Variants in PRIM2 observed in about 807,000 individuals in gnomAD.
The protein encoded by PRIM2 is DNA primase large subunit.
PRIM2 carries 39 observed loss-of-function variants against 67.3 expected under a neutral mutation model. The observed-to-expected ratio is 0.58, with a 90% confidence interval of 0.45 to 0.76. PRIM2 has a LOEUF of 0.76. Ranked by LOEUF, PRIM2 falls within the 30% of genes least tolerant of loss-of-function variation. The pLI, the probability that PRIM2 is intolerant of heterozygous loss-of-function variation, is 0.00. For synonymous variants in PRIM2, 143 were observed against 198.7 expected, an observed-to-expected ratio of 0.72 and a Z score of 2.36; for missense variants, 398 against 598.7, an observed-to-expected ratio of 0.66 and a Z score of 3.50.
intron 7 of PRIM2, among the ~76,000 whole-genome samples, chr6:57,472,424 A>G (rs1452797879): frequency 6.6e-6 from 1 of 151,620 alleles, no homozygotes; most frequent in Non-Finnish European, 1.5e-5. Flanking sequence ...AAAAGAAACT[A>G]TGCAGTTTGT....
At chr6:57,364,362 T>G (rs979673905) in intron 5 of PRIM2, among the ~76,000 whole-genome samples, 5 of 152,208 alleles carry the variant, frequency 3.3e-5, no homozygotes, top group Non-Finnish European at 7.3e-5. Flanking sequence ...TGAGAGGTAC[T>G]GTGTTTGCTT....
chr6:57,221,960 C>A, the PRIM2 span: 260 of 152,644 alleles, frequency 1.7e-3, 2 homozygotes, highest in Non-Finnish European at 2.7e-3. Flanking sequence ...GGACGAACCC[C>A]CAGCCCCTGG....
At chr6:57,542,791 G>C (rs1775189965) in intron 10 of PRIM2, among the ~76,000 whole-genome samples, 1 of 151,430 alleles carries the variant, frequency 6.6e-6, no homozygotes, top group Admixed American at 6.6e-5. Context: ...TCGTTTACAT[G>C]TTTTTTCAAT....
the PRIM2 span, among the ~76,000 whole-genome samples, chr6:57,240,021 T>C: frequency 6.6e-6 from 1 of 150,758 alleles, no homozygotes; most frequent in African/African-American, 2.4e-5. Context: ...AACATAATTA[T>C]AAGTACTCCA....
At chr6:57,479,900 C>T (rs1307179471) in intron 7 of PRIM2, among the ~76,000 whole-genome samples, 26 of 152,202 alleles carry the variant, frequency 1.7e-4, no homozygotes, top group African/African-American at 5.8e-4. Context: ...ACTATGGTAT[C>T]AGGCAGAATA....
chr6:57,586,754 G>A (rs1175944796), intron 10 of PRIM2, among the ~76,000 whole-genome samples: 2 of 152,168 alleles, frequency 1.3e-5, no homozygotes, highest in Non-Finnish European at 2.9e-5. Context: ...TCCAGCCCAG[G>A]CTTGCCAAAG....
At chr6:57,433,017 C>G (rs749316751) in intron 7 of PRIM2, among the ~76,000 whole-genome samples, 7 of 152,194 alleles carry the variant, frequency 4.6e-5, no homozygotes, top group Non-Finnish European at 1.0e-4. Context: ...TAAAGCCATT[C>G]AAGCCAAATA....
intron 7 of PRIM2, among the ~76,000 whole-genome samples, chr6:57,426,320 T>G (rs1406745409): frequency 2.0e-5 from 3 of 152,254 alleles, no homozygotes; most frequent in Non-Finnish European, 4.4e-5. Flanking sequence ...TAGAGTTTTA[T>G]GTAAGTAGAC....
At chr6:57,336,325 C>A (rs1047048404) in intron 5 of PRIM2, among the ~76,000 whole-genome samples, 1 of 151,488 alleles carries the variant, frequency 6.6e-6, no homozygotes, top group Non-Finnish European at 1.5e-5. Flanking sequence ...TCTAGCAAGG[C>A]AGGCCAACAT....
At chr6:57,568,781 T>G (rs1436874743) in intron 10 of PRIM2, among the ~76,000 whole-genome samples, 1 of 152,210 alleles carries the variant, frequency 6.6e-6, no homozygotes, top group African/African-American at 2.4e-5. Flanking sequence ...TACAAATACA[T>G]GCGTTTTCAA....
the PRIM2 span, among the ~76,000 whole-genome samples, chr6:57,304,985 C>T: frequency 1.3e-5 from 2 of 152,178 alleles, no homozygotes; most frequent in South Asian, 2.1e-4. Flanking sequence ...TCCCTTTCCT[C>T]TCTGTACTCA....
chr6:57,285,186 T>C, the PRIM2 span, among the ~76,000 whole-genome samples: 1 of 152,238 alleles, frequency 6.6e-6, no homozygotes, highest in Non-Finnish European at 1.5e-5. Flanking sequence ...AGCTGAATTC[T>C]ACCAGAGATA....
At chr6:57,386,279 G>A (rs934123009) in intron 7 of PRIM2, among the ~76,000 whole-genome samples, 6 of 151,852 alleles carry the variant, frequency 4.0e-5, no homozygotes, top group South Asian at 2.1e-4. Flanking sequence ...ATAGCCAGTC[G>A]TGGTGGCATG....
At chr6:57,254,553 A>G in the PRIM2 span, among the ~76,000 whole-genome samples, 1 of 152,206 alleles carries the variant, frequency 6.6e-6, no homozygotes, top group African/African-American at 2.4e-5. Context: ...GCCCTTATAC[A>G]AAGGCTGGAA....
At chr6:57,249,046 G>A in the PRIM2 span, among the ~76,000 whole-genome samples, 4 of 152,118 alleles carry the variant, frequency 2.6e-5, no homozygotes, top group African/African-American at 9.7e-5. Flanking sequence ...AATATACTGG[G>A]GAAACAGATT....
chr6:57,635,961 T>G (rs1426526836), intron 13 of PRIM2, among the ~76,000 whole-genome samples: 18 of 152,292 alleles, frequency 1.2e-4, no homozygotes, highest in East Asian at 1.9e-4. Flanking sequence ...AATCTAAAAT[T>G]TATAATGTAT....
intron 3 of PRIM2, among the ~76,000 whole-genome samples, chr6:57,322,890 G>A (rs759983432): frequency 3.3e-5 from 5 of 152,192 alleles, no homozygotes; most frequent in African/African-American, 1.2e-4. Context: ...AGGTGCTATA[G>A]TAGGGGTCTT....
At chr6:57,366,279 T>C (rs539014691) in intron 5 of PRIM2, among the ~76,000 whole-genome samples, 1 of 152,208 alleles carries the variant, frequency 6.6e-6, no homozygotes, top group Non-Finnish European at 1.5e-5. Context: ...CATGGTGCGC[T>C]ATAGGAAGTG....
intron 7 of PRIM2, among the ~76,000 whole-genome samples, chr6:57,459,773 A>G (rs1029496619): frequency 6.6e-6 from 1 of 152,184 alleles, no homozygotes; most frequent in African/African-American, 2.4e-5. Flanking sequence ...AGAGCCAGCC[A>G]TGTTATCCAG....
Sources: allele counts gnomAD v4.1 joint callset (sites outside exome capture counted in the v4.1 genomes callset), GRCh38; gene constraint gnomAD v4.1.1; transcripts MANE v1.5; gene names NCBI Gene and HGNC (gene_info 2026-07-23, HGNC 2026-07-21).